Variants in IQUB observed in about 807,000 individuals in gnomAD.
IQUB encodes IQ motif and ubiquitin-like domain-containing protein.
In IQUB, 86 loss-of-function variants were observed where a neutral mutation model predicts 86.4. The ratio of observed to expected loss-of-function variants is 1.00; its 90% CI spans 0.84 to 1.19. The LOEUF (loss-of-function observed/expected upper bound fraction) is 1.19, where lower values mean the gene tolerates loss of function less well. Among genes scored for constraint, IQUB ranks in the 50% most tolerant of loss-of-function variants. The probability of loss-of-function intolerance (pLI) is 0.00; values close to 1 mark genes in which losing one functional copy is unlikely to be tolerated. For missense variants in IQUB, 946 were observed against 916.9 expected, an observed-to-expected ratio of 1.03 and a Z score of -0.41; for synonymous variants, 289 against 304.5, an observed-to-expected ratio of 0.95 and a Z score of 0.53.
intron 1 of IQUB, among the ~76,000 whole-genome samples, chr7:123,516,522 A>G (rs1018861261): frequency 3.9e-5 from 6 of 152,204 alleles, no homozygotes; most frequent in African/African-American, 1.4e-4. Flanking sequence ...GAAGTACTCT[A>G]TATGTTGACA....
intron 12 of IQUB, among the ~76,000 whole-genome samples, chr7:123,454,591 G>C (rs1793605663): frequency 6.6e-6 from 1 of 151,950 alleles, no homozygotes; most frequent in South Asian, 2.1e-4. Context: ...TTTTCCCATT[G>C]AAATAAGGTC....
intron 1 of IQUB, among the ~76,000 whole-genome samples, chr7:123,531,421 A>G (rs896914981): frequency 2.2e-4 from 33 of 152,274 alleles, no homozygotes; most frequent in Admixed American, 2.0e-3. Flanking sequence ...ATCATTGTTG[A>G]AAAAAACCGT....
intron 7 of IQUB, among the ~76,000 whole-genome samples, chr7:123,483,440 C>G (rs908663598): frequency 2.6e-5 from 4 of 151,966 alleles, no homozygotes; most frequent in Non-Finnish European, 5.9e-5. Flanking sequence ...AGAATCAAAC[C>G]AATTTTTTCT....
chr7:123,506,707 A>G (rs1796193141), intron 3 of IQUB, among the ~76,000 whole-genome samples: 1 of 152,188 alleles, frequency 6.6e-6, no homozygotes, highest in African/African-American at 2.4e-5. Flanking sequence ...ATACAATTCA[A>G]CATGAGATTT....
intron 1 of IQUB, among the ~76,000 whole-genome samples, chr7:123,528,815 TCAG>T (rs931775264): frequency 2.0e-5 from 3 of 152,224 alleles, no homozygotes; most frequent in African/African-American, 7.2e-5. Flanking sequence ...TAAAAAATAT[TCAG>T]CAGATTTTTT....
chr7:123,481,658 G>A (rs1367885050), intron 7 of IQUB, among the ~76,000 whole-genome samples: 1 of 152,064 alleles, frequency 6.6e-6, no homozygotes, highest in Non-Finnish European at 1.5e-5. Context: ...AGCAGAAGAT[G>A]GGAAACCCCA....
At chr7:123,519,852 T>C (rs957469506) in intron 1 of IQUB, among the ~76,000 whole-genome samples, 1 of 152,226 alleles carries the variant, frequency 6.6e-6, no homozygotes, top group Non-Finnish European at 1.5e-5. Context: ...TTACCTTAAT[T>C]TGATTATTAC....
intron 10 of IQUB, 28 bp downstream of exon 10, chr7:123,464,805 C>G: frequency 6.9e-7 from 1 of 1,441,526 alleles, no homozygotes; most frequent in South Asian, 1.4e-5. Context: ...GATTTTGAAA[C>G]AGGAATATAG....
chr7:123,532,813 C>G (rs1266280404), intron 1 of IQUB: 3 of 152,260 alleles, frequency 2.0e-5, no homozygotes, highest in Admixed American at 6.5e-5. Context: ...GCCTGCCCCT[C>G]TGGGGCCTGC....
intron 7 of IQUB, among the ~76,000 whole-genome samples, chr7:123,481,594 G>A (rs900790530): frequency 4.6e-5 from 7 of 152,144 alleles, no homozygotes; most frequent in Middle Eastern, 3.4e-3. Flanking sequence ...CTGTCAAAAA[G>A]GCACACAAAT....
intron 1 of IQUB, among the ~76,000 whole-genome samples, chr7:123,517,855 A>G (rs1015884440): frequency 2.0e-5 from 3 of 152,202 alleles, no homozygotes; most frequent in African/African-American, 7.2e-5. Flanking sequence ...AAACTTTGTT[A>G]GGTTCCATCT....
At chr7:123,462,610 A>C (rs1794048437) in intron 10 of IQUB, 1 of 240,258 alleles carries the variant, frequency 4.2e-6, no homozygotes, top group Non-Finnish European at 8.6e-6. Flanking sequence ...AAGAAGAGTG[A>C]TCTAGGTGTA....
chr7:123,520,143 A>C (rs577620855), intron 1 of IQUB, among the ~76,000 whole-genome samples: 6 of 152,246 alleles, frequency 3.9e-5, no homozygotes, highest in African/African-American at 1.4e-4. Context: ...ACACGTGATT[A>C]TTTGATACAT....
intron 7 of IQUB, among the ~76,000 whole-genome samples, chr7:123,484,628 CA>C (rs925144615): frequency 3.3e-5 from 5 of 151,496 alleles, no homozygotes; most frequent in South Asian, 2.1e-4. Flanking sequence ...TAGCTATTCT[CA>C]AAAAAAATCA....
chr7:123,521,651 AACACACAC>A (rs150359350), intron 1 of IQUB, among the ~76,000 whole-genome samples: 17 of 144,310 alleles, frequency 1.2e-4, no homozygotes, highest in South Asian at 4.6e-4. Context: ...TGTCTAAATA[AACACACAC>A]ACACACACAC....
At chr7:123,520,804 G>A (rs1396902124) in intron 1 of IQUB, among the ~76,000 whole-genome samples, 1 of 152,138 alleles carries the variant, frequency 6.6e-6, no homozygotes, top group Non-Finnish European at 1.5e-5. Flanking sequence ...AGGAGATGAT[G>A]AGAAGTGCTG....
At chr7:123,494,796 C>G (rs920505795) in intron 7 of IQUB, among the ~76,000 whole-genome samples, 1 of 151,942 alleles carries the variant, frequency 6.6e-6, no homozygotes, top group Non-Finnish European at 1.5e-5. Context: ...ATTATTAATT[C>G]CTTTTGATAG....
At chr7:123,502,539 G>C (rs1312205501) in intron 6 of IQUB, 58 bp downstream of exon 6, 4 of 1,478,126 alleles carry the variant, frequency 2.7e-6, no homozygotes, top group East Asian at 2.3e-5. Flanking sequence ...GACACACTCG[G>C]AACAACTGGC....
At chr7:123,472,814 T>A (rs1225054015) in intron 8 of IQUB, among the ~76,000 whole-genome samples, 1 of 152,252 alleles carries the variant, frequency 6.6e-6, no homozygotes. Context: ...AGGAAAAATG[T>A]CAACTTTGCT....
Sources: gnomAD v4.1 joint callset for allele counts (sites outside exome capture counted in the v4.1 genomes callset) on GRCh38, gnomAD v4.1.1 for gene constraint, MANE v1.5 for transcripts, NCBI Gene and HGNC (gene_info 2026-07-23, HGNC 2026-07-21) for gene names.